Variants in SEMA3D observed in about 807,000 individuals in gnomAD.
SEMA3D encodes the protein semaphorin-3D.
Under a neutral mutation model 100.1 loss-of-function variants are expected in SEMA3D, and 84 were observed. The ratio of observed to expected loss-of-function variants is 0.84; its 90% CI spans 0.70 to 1.01. SEMA3D has a LOEUF of 1.01. SEMA3D is among the 50% of genes least tolerant of loss of function. The pLI is 0.00. For missense variants in SEMA3D, 875 were observed against 934.1 expected (o/e 0.94, Z 0.82); for synonymous variants, 312 against 320.7 (o/e 0.97, Z 0.29).
intron 6 of SEMA3D, among the ~76,000 whole-genome samples, chr7:85,071,743 T>G (rs1173755033): frequency 1.3e-5 from 2 of 152,242 alleles, no homozygotes; most frequent in Non-Finnish European, 2.9e-5. Flanking sequence ...TAAGCATTTG[T>G]GTATCTAAAT....
the SEMA3D span, among the ~76,000 whole-genome samples, chr7:85,210,600 C>CT: frequency 1.3e-5 from 2 of 151,918 alleles, no homozygotes; most frequent in East Asian, 3.9e-4. Context: ...TAAAAAGTTA[C>CT]TTAAGACATC....
chr7:85,097,658 G>C (rs1788602018), intron 4 of SEMA3D, 147 bp downstream of exon 4: 2 of 450,040 alleles, frequency 4.4e-6, no homozygotes, highest in Non-Finnish European at 8.1e-6. Context: ...TGTATCAGAG[G>C]CAATATATTC....
intron 3 of SEMA3D, among the ~76,000 whole-genome samples, chr7:85,119,507 T>G (rs1488073996): frequency 6.6e-6 from 1 of 151,834 alleles, no homozygotes; most frequent in Non-Finnish European, 1.5e-5. Flanking sequence ...AACCTACTAA[T>G]GGAGGGGAAA....
upstream of SEMA3D, among the ~76,000 whole-genome samples, chr7:85,189,987 G>A (rs1791657756): frequency 6.6e-6 from 1 of 152,076 alleles, no homozygotes; most frequent in African/African-American, 2.4e-5. Flanking sequence ...GGATGGGTTA[G>A]GGTAGAATAG....
At chr7:85,001,569 T>A (rs868280968) in intron 18 of SEMA3D, among the ~76,000 whole-genome samples, 8 of 152,132 alleles carry the variant, frequency 5.3e-5, no homozygotes, top group Admixed American at 6.6e-5. Flanking sequence ...TGTAATTTTT[T>A]AAAATTTAAT....
intron 6 of SEMA3D, among the ~76,000 whole-genome samples, chr7:85,072,362 T>A (rs1791798210): frequency 6.6e-6 from 1 of 152,208 alleles, no homozygotes; most frequent in African/African-American, 2.4e-5. Flanking sequence ...TATTCTTTAC[T>A]TAGTGTCCAC....
At chr7:85,242,672 C>T in the SEMA3D span, among the ~76,000 whole-genome samples, 1 of 152,106 alleles carries the variant, frequency 6.6e-6, no homozygotes. Context: ...ATCTACTTCT[C>T]CTTATGGCTA....
the SEMA3D span, among the ~76,000 whole-genome samples, chr7:85,197,607 T>C: frequency 1.6e-4 from 25 of 152,276 alleles, no homozygotes; most frequent in Admixed American, 7.9e-4. Flanking sequence ...GCAGATGTTC[T>C]GAGGACCTCC....
chr7:85,126,678 C>T (rs564749936), intron 2 of SEMA3D, among the ~76,000 whole-genome samples: 1 of 152,016 alleles, frequency 6.6e-6, no homozygotes, highest in East Asian at 1.9e-4. Context: ...GTAGGGTGCA[C>T]ATGACTGATC....
intron 5 of SEMA3D, among the ~76,000 whole-genome samples, chr7:85,080,800 A>G (rs1345425932): frequency 6.6e-6 from 1 of 152,174 alleles, no homozygotes; most frequent in Non-Finnish European, 1.5e-5. Flanking sequence ...AGCATGCAGG[A>G]CAACTTGGAC....
intron 1 of SEMA3D, among the ~76,000 whole-genome samples, chr7:85,156,672 T>C (rs1790606734): frequency 6.6e-6 from 1 of 152,098 alleles, no homozygotes; most frequent in Non-Finnish European, 1.5e-5. Flanking sequence ...TCATCATCAA[T>C]AGGCCATTTA....
At chr7:85,058,538 G>A (rs1336348200) in intron 8 of SEMA3D, among the ~76,000 whole-genome samples, 1 of 152,026 alleles carries the variant, frequency 6.6e-6, no homozygotes, top group African/African-American at 2.4e-5. Flanking sequence ...ACGAGGTAAA[G>A]AGATAGAGAC....
rs150146340 is a variant in SEMA3D at position 85,180,126 on chromosome 7, T to C, written c.-173+6552A>G. 3.0e-3 allele frequency among the ~76,000 whole-genome samples: 452 copies of C among 152,334 alleles called. 13 individuals are homozygous for C. The East Asian group carries it at 0.058, about 20-fold the overall frequency. Reference sequence around the variant, plus strand: ...CCCACCTAAATCTTATGTTGAATTGTAATCTGAATTATAATCCCTATGTGT... The same window carrying C: ...CCCACCTAAATCTTATGTTGAATTGCAATCTGAATTATAATCCCTATGTGT... On this transcript the variant is annotated intron_variant, in intron 1 of 18. Coordinates refer to ENST00000284136, the MANE Select transcript of SEMA3D (RefSeq NM_001384900.1).
intron 3 of SEMA3D, among the ~76,000 whole-genome samples, chr7:85,103,116 C>T (rs1788799782): frequency 6.6e-6 from 1 of 152,034 alleles, no homozygotes; most frequent in Non-Finnish European, 1.5e-5. Context: ...GGAACAAGTT[C>T]CCTCTTTTCC....
At chr7:85,027,961 C>T (rs1359602417) in intron 12 of SEMA3D, 5 of 581,214 alleles carry the variant, frequency 8.6e-6, no homozygotes, top group South Asian at 1.5e-5. Flanking sequence ...GTCACCTTTA[C>T]GGATACCAAA....
rs146569006 is a variant in SEMA3D at position 85,183,868 on chromosome 7, G to C, written c.-173+2810C>G. 1.9e-3 allele frequency among the ~76,000 whole-genome samples: 282 copies of C among 152,248 alleles called. 1 individual carries two copies. Among genetic ancestry groups the C allele is most frequent in the African/African-American group, 6.7e-3 (277 of 41,556 alleles). ...TGAACCAATGGTACTGAAATACGAA[G>C]TAAATTTTTAGGTATTCAGGTCATG... is the stretch of plus-strand genomic sequence containing the variant. On this transcript the variant is annotated intron_variant, in intron 1 of 18. Transcript: ENST00000284136.
At chr7:85,071,504 G>A (rs1791773081) in intron 6 of SEMA3D, among the ~76,000 whole-genome samples, 1 of 152,140 alleles carries the variant, frequency 6.6e-6, no homozygotes, top group Non-Finnish European at 1.5e-5. Flanking sequence ...AATATGTGTG[G>A]TTACTCACAA....
intron 1 of SEMA3D, among the ~76,000 whole-genome samples, chr7:85,166,274 T>C (rs959143867): frequency 6.6e-6 from 1 of 152,042 alleles, no homozygotes; most frequent in Non-Finnish European, 1.5e-5. Context: ...CTAACAATGA[T>C]AAAGGTTCTT....
intron 5 of SEMA3D, among the ~76,000 whole-genome samples, chr7:85,080,797 A>G (rs1267922502): frequency 6.6e-6 from 1 of 152,166 alleles, no homozygotes; most frequent in East Asian, 1.9e-4. Flanking sequence ...GGGAGCATGC[A>G]GGACAACTTG....
Sources: allele counts gnomAD v4.1 joint callset (sites outside exome capture counted in the v4.1 genomes callset), GRCh38; gene constraint gnomAD v4.1.1; transcripts MANE v1.5; gene names NCBI Gene and HGNC (gene_info 2026-07-23, HGNC 2026-07-21).